The following NRG3 variants were observed in gnomAD, a reference collection of about 807,000 sequenced individuals.
NRG3 encodes the protein pro-neuregulin-3, membrane-bound isoform.
In NRG3, 31 loss-of-function variants were observed where a neutral mutation model predicts 66.9. The ratio of observed to expected loss-of-function variants is 0.46; its 90% CI spans 0.35 to 0.63. The LOEUF is 0.63. Ranked by LOEUF, NRG3 falls within the 20% of genes least tolerant of loss-of-function variation. NRG3 has a pLI of 0.00. For synonymous variants in NRG3, 393 were observed against 359.4 expected (o/e 1.09, Z -1.06); for missense variants, 910 against 878.9 (o/e 1.04, Z -0.45).
At chr10:81,876,238 G>A in intron 1 of NRG3, 75 bp downstream of exon 1, 2 of 1,488,584 alleles carry the variant, frequency 1.3e-6, no homozygotes, top group Non-Finnish European at 9.0e-7. Context: ...TTTTTCCCTC[G>A]CCGCCTGTTT....
chr10:82,010,314 G>C (rs945055439), intron 1 of NRG3, among the ~76,000 whole-genome samples: 4 of 152,054 alleles, frequency 2.6e-5, no homozygotes, highest in African/African-American at 9.7e-5. Flanking sequence ...TTGTAAAAGG[G>C]GCCGTCTCTC....
chr10:82,985,772 G>A lies in NRG3; in HGVS notation c.*167G>A. On this transcript the variant is annotated 3_prime_UTR_variant, in exon 9 of 9. Coordinates refer to ENST00000372141, the MANE Select transcript of NRG3 (RefSeq NM_001010848.4). The stretch of plus-strand genomic sequence containing the variant: ...TTTTTAACAAAATATTTTTTTAAGG[G>A]AAAGAAATGTTTCAGGAGGGATAAA... 1 of 740,658 alleles carries A rather than the reference G, an allele frequency of 1.4e-6. No individual in the cohort carries two copies. Among genetic ancestry groups the A allele is most frequent in the South Asian group, 2.0e-5 (1 of 51,228 alleles). 45.9% of individuals were successfully genotyped at this position (740,658 alleles called of 1,614,324 possible).
intron 4 of NRG3, among the ~76,000 whole-genome samples, chr10:82,905,942 G>C (rs1439863857): frequency 6.6e-6 from 1 of 152,110 alleles, no homozygotes; most frequent in Non-Finnish European, 1.5e-5. Context: ...CAATGGGATA[G>C]GTTAGAGGCT....
intron 2 of NRG3, among the ~76,000 whole-genome samples, chr10:82,377,594 G>GA (rs2085336293): frequency 6.6e-6 from 1 of 152,180 alleles, no homozygotes; most frequent in South Asian, 2.1e-4. Context: ...ACTTGTTTGA[G>GA]AAGAGCAGTG....
chr10:82,559,273 A>T (rs1228892235), intron 2 of NRG3, among the ~76,000 whole-genome samples: 1 of 152,226 alleles, frequency 6.6e-6, no homozygotes, highest in South Asian at 2.1e-4. Flanking sequence ...GTGAATAAAG[A>T]TGTATTTAGG....
At chr10:82,907,190 G>A (rs1217837651) in intron 4 of NRG3, among the ~76,000 whole-genome samples, 1 of 152,108 alleles carries the variant, frequency 6.6e-6, no homozygotes, top group Non-Finnish European at 1.5e-5. Flanking sequence ...TGGACTCTTT[G>A]CTGTCTTCAC....
At chr10:82,689,002 T>A (rs1213775521) in intron 2 of NRG3, among the ~76,000 whole-genome samples, 1 of 152,160 alleles carries the variant, frequency 6.6e-6, no homozygotes, top group Non-Finnish European at 1.5e-5. Context: ...AAAGCTTTCT[T>A]AGTGTTTTCC....
intron 1 of NRG3, among the ~76,000 whole-genome samples, chr10:82,017,133 G>A (rs893489161): frequency 9.2e-5 from 14 of 152,066 alleles, no homozygotes; most frequent in South Asian, 6.2e-4. Context: ...CCCTTCCTGT[G>A]TCCAAGTGTT....
At chr10:82,899,631 A>C (rs575380011) in intron 4 of NRG3, among the ~76,000 whole-genome samples, 1 of 152,326 alleles carries the variant, frequency 6.6e-6, no homozygotes, top group East Asian at 1.9e-4. Flanking sequence ...TCTTATAGAC[A>C]AATATAATCG....
At chr10:82,414,203 T>C (rs940219164) in intron 2 of NRG3, among the ~76,000 whole-genome samples, 1 of 152,154 alleles carries the variant, frequency 6.6e-6, no homozygotes, top group African/African-American at 2.4e-5. Context: ...CTCTTCCTTT[T>C]GCTTGCTCAC....
chr10:82,863,108 G>C (rs1406254593), intron 3 of NRG3, among the ~76,000 whole-genome samples: 1 of 152,124 alleles, frequency 6.6e-6, no homozygotes, highest in Non-Finnish European at 1.5e-5. Context: ...AGAACATGTG[G>C]TGTTCAGTTT....
chr10:82,455,299 C>T (rs1453413112), intron 2 of NRG3, among the ~76,000 whole-genome samples: 1 of 152,310 alleles, frequency 6.6e-6, no homozygotes, highest in South Asian at 2.1e-4. Flanking sequence ...GTATAGCCTA[C>T]TTGCAAACCT....
intron 1 of NRG3, among the ~76,000 whole-genome samples, 160 bp from the exon 2 acceptor site, chr10:82,358,579 C>A (rs369564348): frequency 9.2e-5 from 14 of 152,280 alleles, no homozygotes; most frequent in African/African-American, 3.1e-4. Context: ...CAGCCAGCTG[C>A]ATTTGGTCAG....
At position 82,217,230 on chromosome 10, in the gene NRG3, T is replaced by C. The variant is rs748220574; in HGVS notation, c.824-141509T>C. Among the ~76,000 whole-genome samples the C allele has an allele frequency of 4.9e-4, 75 of 152,210 alleles. 2 individuals are homozygous for C. The highest frequency in any genetic ancestry group is 2.6e-4 in the Admixed American group (4 of 15,290). On this transcript the variant is annotated intron_variant, in intron 1 of 8. Transcript: ENST00000372141. The stretch of plus-strand genomic sequence containing the variant: ...CCTGTGGGGCTGGCCATATTTGTCA[T>C]GTGTGTAATGTGGCTGTGCCTCTGG...
At chr10:82,780,071 A>G (rs1591499907) in intron 3 of NRG3, among the ~76,000 whole-genome samples, 1 of 152,154 alleles carries the variant, frequency 6.6e-6, no homozygotes, top group South Asian at 2.1e-4. Context: ...TTATGGCTGC[A>G]TAGTATTCCA....
At chr10:82,108,825 G>A (rs996621361) in intron 1 of NRG3, among the ~76,000 whole-genome samples, 27 of 152,214 alleles carry the variant, frequency 1.8e-4, no homozygotes, top group Non-Finnish European at 2.2e-4. Context: ...TCAGGCAGAA[G>A]AGTACCATGT....
intron 1 of NRG3, among the ~76,000 whole-genome samples, chr10:82,208,969 T>C (rs1415702701): frequency 6.6e-6 from 1 of 152,026 alleles, no homozygotes; most frequent in East Asian, 1.9e-4. Context: ...ATCTCTCTTC[T>C]TACAACTACA....
intron 1 of NRG3, among the ~76,000 whole-genome samples, chr10:82,112,428 CAG>C (rs2067443630): frequency 6.6e-6 from 1 of 152,028 alleles, no homozygotes; most frequent in Non-Finnish European, 1.5e-5. Flanking sequence ...AGGAATCAAA[CAG>C]AAAATGTTAC....
intron 1 of NRG3, among the ~76,000 whole-genome samples, chr10:82,070,877 G>A (rs972111401): frequency 1.3e-5 from 2 of 152,148 alleles, no homozygotes; most frequent in Admixed American, 6.5e-5. Flanking sequence ...TTATTGGCAA[G>A]TTGGCAATAT....
Sources: allele counts gnomAD v4.1 joint callset (sites outside exome capture counted in the v4.1 genomes callset), GRCh38; gene constraint gnomAD v4.1.1; transcripts MANE v1.5; gene names NCBI Gene and HGNC (gene_info 2026-07-23, HGNC 2026-07-21).